Variants in RFX8 observed in about 807,000 individuals in gnomAD.
The protein encoded by RFX8 is regulatory factor X8.
RFX8 carries 46 observed loss-of-function variants against 54.6 expected under a neutral mutation model. That is an observed-to-expected ratio of 0.84 (90% CI 0.67 to 1.08). RFX8 has a LOEUF of 1.08. Ranked by LOEUF, RFX8 falls within the 50% of genes least tolerant of loss-of-function variation. The pLI, the probability that RFX8 is intolerant of heterozygous loss-of-function variation, is 0.00. For missense variants in RFX8, 536 were observed against 562.3 expected (o/e 0.95, Z 0.47); for synonymous variants, 192 against 209.5 (o/e 0.92, Z 0.72).
intron 2 of RFX8, among the ~76,000 whole-genome samples, chr2:101,432,793 C>T (rs946953649): frequency 3.9e-5 from 6 of 152,230 alleles, no homozygotes; most frequent in Non-Finnish European, 7.3e-5. Context: ...GTCCAAAAGG[C>T]GTCTTCTCCA....
intron 2 of RFX8, among the ~76,000 whole-genome samples, chr2:101,424,040 G>C (rs1419777809): frequency 1.3e-5 from 2 of 152,170 alleles, no homozygotes; most frequent in African/African-American, 2.4e-5. Context: ...ATATTATGAA[G>C]ATGCCACGTT....
chr2:101,453,106 A>G (rs561573827), intron 2 of RFX8, among the ~76,000 whole-genome samples: 1 of 92,922 alleles, frequency 1.1e-5, no homozygotes, highest in Admixed American at 1.0e-4. Flanking sequence ...GCGAGACTCC[A>G]TCTCAAAACA....
chr2:101,468,922 GGTGGCATGGGGGA>G (rs1394220936), intron 1 of RFX8, among the ~76,000 whole-genome samples: 1 of 146,958 alleles, frequency 6.8e-6, no homozygotes, highest in East Asian at 2.0e-4. Context: ...TCGATGGGAT[GGTGGCATGGGGGA>G]GTGGCAGATT....
At chr2:101,452,436 A>G in intron 2 of RFX8, 1 of 1,357,360 alleles carries the variant, frequency 7.4e-7, no homozygotes, top group Non-Finnish European at 9.5e-7. Flanking sequence ...CGGAAAAACC[A>G]ATCTCACAAG....
intron 7 of RFX8, among the ~76,000 whole-genome samples, chr2:101,414,369 G>T (rs1277153063): frequency 6.6e-6 from 1 of 152,044 alleles, no homozygotes; most frequent in Non-Finnish European, 1.5e-5. Flanking sequence ...CCAGGTTCAA[G>T]AGATTCTCCT....
intron 9 of RFX8, among the ~76,000 whole-genome samples, chr2:101,408,955 A>G (rs1161136966): frequency 6.6e-6 from 1 of 152,252 alleles, no homozygotes; most frequent in Non-Finnish European, 1.5e-5. Context: ...GAGAAAGCCC[A>G]GAGCCACGCT....
At chr2:101,460,829 C>G (rs1689230794) in intron 2 of RFX8, among the ~76,000 whole-genome samples, 1 of 151,408 alleles carries the variant, frequency 6.6e-6, no homozygotes, top group Admixed American at 6.6e-5. Flanking sequence ...CAGGTTCTAC[C>G]TCTTCCTGCA....
intron 2 of RFX8, among the ~76,000 whole-genome samples, chr2:101,428,208 G>A (rs369392403): frequency 2.6e-5 from 4 of 152,092 alleles, no homozygotes; most frequent in Non-Finnish European, 5.9e-5. Context: ...CAGGAGAATC[G>A]CTTGAACCAG....
At chr2:101,454,318 T>A (rs1014555766) in intron 2 of RFX8, among the ~76,000 whole-genome samples, 2 of 152,214 alleles carry the variant, frequency 1.3e-5, no homozygotes, top group African/African-American at 2.4e-5. Flanking sequence ...TGGGTTGGTT[T>A]CAAGTCTTTG....
chr2:101,430,155 C>T (rs928579728), intron 2 of RFX8, among the ~76,000 whole-genome samples: 4 of 152,214 alleles, frequency 2.6e-5, no homozygotes, highest in Non-Finnish European at 4.4e-5. Context: ...AGAAATTTTA[C>T]CTCAGACTTT....
At chr2:101,437,426 A>G (rs1402789760) in intron 2 of RFX8, among the ~76,000 whole-genome samples, 1 of 152,080 alleles carries the variant, frequency 6.6e-6, no homozygotes, top group Non-Finnish European at 1.5e-5. Flanking sequence ...ACAAAACAAA[A>G]AAATAGCCAG....
intron 2 of RFX8, among the ~76,000 whole-genome samples, chr2:101,423,223 AC>A (rs1218341990): frequency 6.8e-6 from 1 of 147,658 alleles, no homozygotes; most frequent in Non-Finnish European, 1.5e-5. Context: ...ACGCCACTGC[AC>A]TCTAGCCTTG....
chr2:101,464,213 G>A (rs772312470), intron 2 of RFX8, among the ~76,000 whole-genome samples: 1 of 152,262 alleles, frequency 6.6e-6, no homozygotes, highest in South Asian at 2.1e-4. Context: ...AGTGATAGCC[G>A]GCATTCATTT....
At chr2:101,460,839 A>T (rs184484194) in intron 2 of RFX8, among the ~76,000 whole-genome samples, 1 of 151,328 alleles carries the variant, frequency 6.6e-6, no homozygotes. Context: ...CTCTTCCTGC[A>T]GGAAGTCCAC....
rs567380087 is a variant in RFX8, at chr2:101,431,867, A to G, written c.73-9395T>C. Among the ~76,000 whole-genome samples the G allele has an allele frequency of 9.1e-4, 138 of 152,302 alleles. 3 individuals are homozygous for G. The South Asian group carries it at 0.028, about 31-fold the overall frequency. On this transcript the variant is annotated intron_variant, in intron 2 of 11. Transcript: ENST00000428343. Reference sequence around the variant, plus strand: ...GGAAGCCTGAAGGGACGTGCCTGCCATCACCCTCCTCATCTTTATAGGGAA... The same window carrying G: ...GGAAGCCTGAAGGGACGTGCCTGCCGTCACCCTCCTCATCTTTATAGGGAA...
chr2:101,453,428 A>G (rs1177587222), intron 2 of RFX8, among the ~76,000 whole-genome samples: 1 of 152,154 alleles, frequency 6.6e-6, no homozygotes, highest in Non-Finnish European at 1.5e-5. Context: ...ACCTGAGGTC[A>G]GGAGTTTGAG....
chr2:101,424,269 G>A (rs973880773), intron 2 of RFX8, among the ~76,000 whole-genome samples: 9 of 152,164 alleles, frequency 5.9e-5, no homozygotes, highest in Non-Finnish European at 1.0e-4. Context: ...ATGAAAAAAT[G>A]CTCATCATCA....
intron 2 of RFX8, among the ~76,000 whole-genome samples, chr2:101,463,443 T>C (rs1689395974): frequency 6.6e-6 from 1 of 152,090 alleles, no homozygotes; most frequent in Non-Finnish European, 1.5e-5. Flanking sequence ...GGTGCAGCTG[T>C]GGGTTCAGCC....
chr2:101,450,846 T>C (rs1573456689), intron 2 of RFX8, among the ~76,000 whole-genome samples: 2 of 152,220 alleles, frequency 1.3e-5, no homozygotes, highest in East Asian at 1.9e-4. Flanking sequence ...AGCTCTGTTA[T>C]GTAGACAGGC....
Sources: allele counts gnomAD v4.1 joint callset (sites outside exome capture counted in the v4.1 genomes callset), GRCh38; gene constraint gnomAD v4.1.1; transcripts MANE v1.5; gene names NCBI Gene and HGNC (gene_info 2026-07-23, HGNC 2026-07-21).